The following COL4A4 variants were observed in gnomAD, a reference collection of about 807,000 sequenced individuals.
COL4A4 encodes the protein collagen type IV alpha 4 chain, also known as collagen alpha-4(IV) chain.
In COL4A4, 105 loss-of-function variants were observed where a neutral mutation model predicts 192.9. The observed-to-expected ratio is 0.54, with a 90% CI of 0.46 to 0.64. The LOEUF (loss-of-function observed/expected upper bound fraction) is 0.64, where lower values mean the gene tolerates loss of function less well. COL4A4 is among the 30% of genes least tolerant of loss of function. COL4A4 has a pLI of 0.00. For missense variants in COL4A4, 1,967 were observed against 2,169.3 expected, an observed-to-expected ratio of 0.91 and a Z score of 1.85; for synonymous variants, 762 against 769.9, an observed-to-expected ratio of 0.99 and a Z score of 0.17.
At chr2:227,050,223 A>G in intron 33 of COL4A4, 92 bp from the exon 34 acceptor site, 1 of 1,280,060 alleles carries the variant, frequency 7.8e-7, no homozygotes, top group Non-Finnish European at 1.1e-6. Context: ...TCTGTAACTA[A>G]TTTGGTTTTT....
Position 227,006,196 on chromosome 2 carries a change from C to T in COL4A4, c.*1129G>A, listed in dbSNP as rs1962053565. 1 of 152,604 alleles carries T rather than the reference C, an allele frequency of 6.6e-6. No individual in the cohort carries two copies. The highest frequency in any genetic ancestry group is 2.1e-4 in the South Asian group (1 of 4,830). 9.5% of individuals were successfully genotyped at this position (152,604 alleles called of 1,614,324 possible). ...ACCCTGACTTAAATGAATCTTCTTA[C>T]CTAAGTTTAATTAAATCGGCCCTTA... On this transcript the variant is annotated 3_prime_UTR_variant, in exon 48 of 48. Transcript: ENST00000396625.
chr2:227,043,652 T>C (rs924735831), intron 35 of COL4A4, among the ~76,000 whole-genome samples: 6 of 152,206 alleles, frequency 3.9e-5, no homozygotes, highest in Non-Finnish European at 8.8e-5. Context: ...ATTGTTTCCT[T>C]AGGAAAAATT....
chr2:227,149,691 T>C (rs1004476713), intron 1 of COL4A4, among the ~76,000 whole-genome samples: 7 of 152,216 alleles, frequency 4.6e-5, no homozygotes, highest in Non-Finnish European at 7.3e-5. Flanking sequence ...TACATTTTGA[T>C]CCCAAAATAT....
intron 44 of COL4A4, among the ~76,000 whole-genome samples, chr2:227,017,302 C>A (rs1965102872): frequency 6.6e-6 from 1 of 152,172 alleles, no homozygotes; most frequent in African/African-American, 2.4e-5. Context: ...GAAGACATTT[C>A]CTGAGAAACA....
At chr2:227,086,179 G>C (rs1304979148) in intron 22 of COL4A4, among the ~76,000 whole-genome samples, 2 of 152,108 alleles carry the variant, frequency 1.3e-5, no homozygotes, top group African/African-American at 4.8e-5. Context: ...GCAAAGACTT[G>C]GTTCAATTAT....
chr2:227,053,262 G>C (rs1302985689), intron 31 of COL4A4, among the ~76,000 whole-genome samples: 1 of 151,860 alleles, frequency 6.6e-6, no homozygotes, highest in Non-Finnish European at 1.5e-5. Flanking sequence ...TTACAAGCTA[G>C]TAAAACAAAA....
At chr2:227,012,632 C>CAAA (rs61163440) in intron 44 of COL4A4, among the ~76,000 whole-genome samples, 1,810 of 110,258 alleles carry the variant, frequency 0.016, 60 homozygotes, top group African/African-American at 0.055. Flanking sequence ...TATTTGACTT[C>CAAA]AAAAAAAAAA....
intron 1 of COL4A4, among the ~76,000 whole-genome samples, chr2:227,153,218 T>C (rs2064084370): frequency 6.6e-6 from 1 of 152,170 alleles, no homozygotes; most frequent in Admixed American, 6.5e-5. Context: ...TTGGGAATTA[T>C]GGGAGCTACA....
At chr2:227,084,468 G>A (rs1364423314) in intron 22 of COL4A4, among the ~76,000 whole-genome samples, 2 of 152,158 alleles carry the variant, frequency 1.3e-5, no homozygotes, top group Non-Finnish European at 2.9e-5. Flanking sequence ...TGCTCTGTAG[G>A]TGTCGAATTT....
chr2:227,118,606 A>C, intron 7 of COL4A4, 39 bp downstream of exon 7: 1 of 1,448,746 alleles, frequency 6.9e-7, no homozygotes, highest in South Asian at 1.1e-5. Context: ...GGGCCTGTTC[A>C]CTTAAGATTC....
At position 227,118,725 on chromosome 2, in the gene COL4A4, C is replaced by T. The variant is rs1383488518; in HGVS notation, c.409G>A (p.Gly137Ser). 1 of 1,613,792 alleles carries T rather than the reference C, an allele frequency of 6.2e-7. No homozygotes were observed. The highest frequency in any genetic ancestry group is 1.7e-5 in the Admixed American group (1 of 60,000). Residue 137 changes from glycine (G) to serine (S), a missense_variant, in exon 7 of 48, where the codon GGT becomes AGT. Transcript: ENST00000396625. The stretch of plus-strand genomic sequence containing the variant: ...CTTGAGCCATTGTGGCCACTCATAC[C>T]AGGTTTGCCTCTGGGTCCAGGAGGC... ...PGPPGPRGKP[G>S]MSGHNGSRGD... is the part of the protein sequence containing the mutation.
At chr2:227,131,608 C>G (rs576455696) in intron 4 of COL4A4, among the ~76,000 whole-genome samples, 35 of 152,318 alleles carry the variant, frequency 2.3e-4, no homozygotes, top group African/African-American at 7.9e-4. Flanking sequence ...TGTCTGAACA[C>G]TTGTAGGGAG....
chr2:227,093,879 T>TA (rs994532658), intron 20 of COL4A4, among the ~76,000 whole-genome samples: 4 of 151,814 alleles, frequency 2.6e-5, no homozygotes, highest in Non-Finnish European at 5.9e-5. Flanking sequence ...AAACTACATT[T>TA]AAAAAAAATT....
At chr2:226,969,643 T>C in the COL4A4 span, among the ~76,000 whole-genome samples, 1 of 152,160 alleles carries the variant, frequency 6.6e-6, no homozygotes, top group Non-Finnish European at 1.5e-5. Context: ...TTTTCAGAAC[T>C]GTGTCCTACA....
intron 28 of COL4A4, among the ~76,000 whole-genome samples, chr2:227,058,420 C>G (rs1466620381): frequency 6.6e-6 from 1 of 152,162 alleles, no homozygotes; most frequent in African/African-American, 2.4e-5. Context: ...ATTACTGGGT[C>G]ATTATTTTTA....
At chr2:227,133,236 C>A (rs1473787696) in intron 4 of COL4A4, among the ~76,000 whole-genome samples, 1 of 152,174 alleles carries the variant, frequency 6.6e-6, no homozygotes, top group African/African-American at 2.4e-5. Flanking sequence ...GGTGACTGAC[C>A]AGGGCAGATG....
chr2:227,147,160 T>A, intron 2 of COL4A4: 1 of 606,288 alleles, frequency 1.6e-6, no homozygotes, highest in Non-Finnish European at 3.1e-6. Flanking sequence ...ACCTAGTGAG[T>A]AAGCGAGCAA....
the COL4A4 span, among the ~76,000 whole-genome samples, chr2:226,973,636 C>G: frequency 2.4e-4 from 36 of 152,290 alleles, no homozygotes; most frequent in African/African-American, 6.7e-4. Flanking sequence ...TTGTTTTCTT[C>G]CAGAGACAAA....
At chr2:227,054,194 C>A (rs76284820) in intron 31 of COL4A4, among the ~76,000 whole-genome samples, 1,726 of 152,178 alleles carry the variant, frequency 0.011, 30 homozygotes, top group African/African-American at 0.04. Flanking sequence ...TGACAGAGAC[C>A]AGATGGTCTG....
Sources: allele counts gnomAD v4.1 joint callset (sites outside exome capture counted in the v4.1 genomes callset), GRCh38; gene constraint gnomAD v4.1.1; transcripts MANE v1.5; gene names NCBI Gene and HGNC (gene_info 2026-07-23, HGNC 2026-07-21).